Variants in PTPRD observed in about 807,000 individuals in gnomAD.
PTPRD encodes the protein protein tyrosine phosphatase receptor type D, also known as receptor-type tyrosine-protein phosphatase delta.
In PTPRD, 34 loss-of-function variants were observed where a neutral mutation model predicts 214.5. The ratio of observed to expected loss-of-function variants is 0.16; its 90% CI spans 0.12 to 0.21. The LOEUF (loss-of-function observed/expected upper bound fraction) is 0.21. Among genes scored for constraint, PTPRD ranks in the 10% least tolerant of loss-of-function variants. The pLI is 1.00. For missense variants in PTPRD, 2,545 were observed against 2,398.7 expected, an observed-to-expected ratio of 1.06 and a Z score of -1.27; for synonymous variants, 1,128 against 845.7, an observed-to-expected ratio of 1.33 and a Z score of -5.79.
At chr9:9,596,588 A>T (rs1237954105) in intron 7 of PTPRD, among the ~76,000 whole-genome samples, 1 of 152,118 alleles carries the variant, frequency 6.6e-6, no homozygotes, top group East Asian at 1.9e-4. Flanking sequence ...ACAAGAAATG[A>T]TTTATTGCTA....
At chr9:10,136,301 C>T (rs2154262850) in intron 3 of PTPRD, among the ~76,000 whole-genome samples, 1 of 152,118 alleles carries the variant, frequency 6.6e-6, no homozygotes, top group East Asian at 1.9e-4. Context: ...CTTCAACGTT[C>T]CACTAACAGT....
intron 3 of PTPRD, among the ~76,000 whole-genome samples, chr9:10,134,039 C>T (rs1197579811): frequency 2.6e-5 from 4 of 152,016 alleles, no homozygotes; most frequent in Non-Finnish European, 5.9e-5. Flanking sequence ...GGGCAGTCTC[C>T]ACAGCCATCT....
intron 3 of PTPRD, among the ~76,000 whole-genome samples, chr9:10,280,770 T>C (rs571649287): frequency 4.4e-4 from 60 of 137,122 alleles, no homozygotes; most frequent in African/African-American, 1.2e-3. Context: ...CCACAACACA[T>C]GGCAATTTTT....
intron 3 of PTPRD, among the ~76,000 whole-genome samples, chr9:10,107,356 G>T (rs1215824062): frequency 1.3e-5 from 2 of 151,950 alleles, no homozygotes; most frequent in African/African-American, 2.4e-5. Flanking sequence ...TCAAATCAGG[G>T]TATGGAATAT....
chr9:10,441,071 C>T (rs1322813531), intron 2 of PTPRD, among the ~76,000 whole-genome samples: 3 of 151,714 alleles, frequency 2.0e-5, no homozygotes, highest in South Asian at 2.1e-4. Context: ...TTATTTAGGA[C>T]TTCATCGTTT....
chr9:8,865,184 C>A (rs1234915275), intron 11 of PTPRD, among the ~76,000 whole-genome samples: 2 of 152,062 alleles, frequency 1.3e-5, no homozygotes, highest in Non-Finnish European at 2.9e-5. Flanking sequence ...CATCCAGGGA[C>A]AGTCCAAATT....
intron 3 of PTPRD, among the ~76,000 whole-genome samples, chr9:10,258,575 AT>A (rs2093458793): frequency 6.6e-6 from 1 of 152,188 alleles, no homozygotes; most frequent in Non-Finnish European, 1.5e-5. Flanking sequence ...AAAAGTAATA[AT>A]TTTATCCACA....
chr9:9,321,789 C>A (rs1307005527), intron 9 of PTPRD, among the ~76,000 whole-genome samples: 1 of 152,058 alleles, frequency 6.6e-6, no homozygotes, highest in African/African-American at 2.4e-5. Flanking sequence ...GGGTCTATGT[C>A]ATATGGTTGT....
chr9:8,997,741 C>T (rs1356177908), intron 11 of PTPRD, among the ~76,000 whole-genome samples: 1 of 152,050 alleles, frequency 6.6e-6, no homozygotes, highest in Admixed American at 6.6e-5. Context: ...ATGTGAAACA[C>T]CCAGATAGCT....
intron 6 of PTPRD, among the ~76,000 whole-genome samples, chr9:9,747,426 C>A (rs1351628796): frequency 6.6e-6 from 1 of 151,978 alleles, no homozygotes; most frequent in African/African-American, 2.4e-5. Context: ...AGCCATGCTA[C>A]AAGACAGAAT....
intron 9 of PTPRD, among the ~76,000 whole-genome samples, chr9:9,386,186 T>C (rs1038266692): frequency 6.6e-6 from 1 of 152,148 alleles, no homozygotes; most frequent in Non-Finnish European, 1.5e-5. Context: ...TCCAATGACA[T>C]GCATCTTCTA....
At chr9:9,639,717 C>G (rs777992250) in intron 7 of PTPRD, among the ~76,000 whole-genome samples, 5 of 152,112 alleles carry the variant, frequency 3.3e-5, no homozygotes, top group Non-Finnish European at 7.3e-5. Context: ...CGTTGATACA[C>G]AGGCATATTT....
chr9:10,463,893 C>T (rs1264337736), intron 2 of PTPRD, among the ~76,000 whole-genome samples: 1 of 151,938 alleles, frequency 6.6e-6, no homozygotes, highest in Non-Finnish European at 1.5e-5. Context: ...TCAAAATACC[C>T]CTTTTATTCT....
intron 2 of PTPRD, among the ~76,000 whole-genome samples, chr9:10,447,868 C>T (rs2098810300): frequency 1.3e-5 from 2 of 151,920 alleles, no homozygotes; most frequent in Non-Finnish European, 2.9e-5. Flanking sequence ...AATTAGGATA[C>T]TCAGAATTCA....
chr9:9,819,709 T>C (rs187963447), intron 5 of PTPRD, among the ~76,000 whole-genome samples: 1 of 152,128 alleles, frequency 6.6e-6, no homozygotes, highest in African/African-American at 2.4e-5. Context: ...GTTGCCATTT[T>C]CATGTCCATG....
At chr9:9,818,449 T>C (rs1180937603) in intron 5 of PTPRD, among the ~76,000 whole-genome samples, 6 of 152,120 alleles carry the variant, frequency 3.9e-5, no homozygotes, top group African/African-American at 1.4e-4. Context: ...TTACAGAGGT[T>C]CCAGAAACAT....
At chr9:9,903,337 G>A (rs933266883) in intron 5 of PTPRD, among the ~76,000 whole-genome samples, 2 of 152,036 alleles carry the variant, frequency 1.3e-5, no homozygotes, top group African/African-American at 4.8e-5. Flanking sequence ...AAGACCATTA[G>A]CACTCTAACA....
At chr9:9,622,022 A>G (rs1192445386) in intron 7 of PTPRD, among the ~76,000 whole-genome samples, 1 of 152,228 alleles carries the variant, frequency 6.6e-6, no homozygotes, top group African/African-American at 2.4e-5. Context: ...AGAGGTTTAC[A>G]AGTATTATTA....
At chr9:8,529,816 G>A (rs2075205870) in intron 14 of PTPRD, among the ~76,000 whole-genome samples, 1 of 152,118 alleles carries the variant, frequency 6.6e-6, no homozygotes, top group Non-Finnish European at 1.5e-5. Flanking sequence ...TATACTTTAA[G>A]TTCTAGGGTA....
Sources: gnomAD v4.1 joint callset for allele counts (sites outside exome capture counted in the v4.1 genomes callset) on GRCh38, gnomAD v4.1.1 for gene constraint, MANE v1.5 for transcripts, NCBI Gene and HGNC (gene_info 2026-07-23, HGNC 2026-07-21) for gene names.